The following PRKG1 variants were observed in gnomAD, a reference collection of about 807,000 sequenced individuals.
PRKG1 encodes cGMP-dependent protein kinase 1.
In PRKG1, 35 loss-of-function variants were observed where a neutral mutation model predicts 88.1. The ratio of observed to expected loss-of-function variants is 0.40; its 90% CI spans 0.30 to 0.53. PRKG1 has a LOEUF of 0.53. PRKG1 is among the 20% of genes least tolerant of loss of function. The pLI is 0.59. For synonymous variants in PRKG1, 303 were observed against 292.5 expected, an observed-to-expected ratio of 1.04 and a Z score of -0.37; for missense variants, 540 against 839.8, an observed-to-expected ratio of 0.64 and a Z score of 4.41.
intron 1 of PRKG1, among the ~76,000 whole-genome samples, chr10:51,116,590 TA>T (rs1326524447): frequency 6.6e-6 from 1 of 152,060 alleles, no homozygotes; most frequent in African/African-American, 2.4e-5. Flanking sequence ...AAGTGAACAG[TA>T]AAAGGTGTCT....
At chr10:51,688,564 CCT>C (rs1491418060) in intron 3 of PRKG1, among the ~76,000 whole-genome samples, 1 of 70,702 alleles carries the variant, frequency 1.4e-5, no homozygotes, top group South Asian at 6.3e-4. Context: ...CAGTAACAAT[CCT>C]TTTTTTTTTT....
chr10:51,574,110 AAG>A (rs1234733089), intron 3 of PRKG1, among the ~76,000 whole-genome samples: 2 of 151,922 alleles, frequency 1.3e-5, no homozygotes, highest in African/African-American at 4.8e-5. Flanking sequence ...TAAACATTGG[AAG>A]AGAAAGCATC....
At chr10:51,514,281 A>G (rs1841510792) in intron 3 of PRKG1, among the ~76,000 whole-genome samples, 1 of 152,106 alleles carries the variant, frequency 6.6e-6, no homozygotes, top group South Asian at 2.1e-4. Context: ...CATACACTCT[A>G]ATTAATTTTT....
At chr10:51,229,333 G>A (rs1430147779) in intron 2 of PRKG1, among the ~76,000 whole-genome samples, 1 of 152,110 alleles carries the variant, frequency 6.6e-6, no homozygotes, top group Non-Finnish European at 1.5e-5. Flanking sequence ...TCCCAGATAA[G>A]AAGGTATTGG....
In PRKG1 at chr10:51,002,528, G is replaced by A. The variant is rs1842900322; in HGVS notation, c.266+10884G>A. On this transcript the variant is annotated intron_variant, in intron 1 of 17. Transcript: ENST00000401604. The stretch of plus-strand genomic sequence containing the variant: ...ATAAACTGCCTCTCAAAAATTTTAG[G>A]GTAAAGAGTAGTCTGGCTTATACCA... 6.6e-5 allele frequency among the ~76,000 whole-genome samples: 10 copies of A among 152,230 alleles called. 1 individual carries two copies. The South Asian group carries it at 2.1e-3, about 32-fold the overall frequency.
In PRKG1 at chr10:52,294,746, T is replaced by A. The variant is rs955382399; in HGVS notation, c.*846T>A. On this transcript the variant is annotated 3_prime_UTR_variant, in exon 18 of 18. Transcript: ENST00000373980. ...TAAATGACTAGCAGCCAATTGGTTT[T>A]ACTTAACATACCCTCAAACTGAGGC... The A allele has an allele frequency of 3.9e-5, 6 of 152,590 alleles. No individual in the cohort carries two copies. In the East Asian group the frequency reaches 9.6e-4, roughly 24 times the overall value. The allele number at this position is 152,590 out of a possible 1,614,324, so 9.5% of individuals were successfully genotyped here.
intron 5 of PRKG1, among the ~76,000 whole-genome samples, chr10:52,021,042 C>T (rs12776480): frequency 0.26 from 38,888 of 151,912 alleles, 5,446 homozygotes; most frequent in Non-Finnish European, 0.33. Context: ...CCTCTCCTGC[C>T]CCACTCATGC....
intron 3 of PRKG1, among the ~76,000 whole-genome samples, chr10:51,556,838 T>C (rs1476919169): frequency 3.9e-5 from 6 of 152,034 alleles, no homozygotes; most frequent in African/African-American, 7.2e-5. Flanking sequence ...AATATACCCA[T>C]GTAACAAACC....
intron 9 of PRKG1, among the ~76,000 whole-genome samples, chr10:52,198,774 A>G (rs542099383): frequency 6.6e-6 from 1 of 151,242 alleles, no homozygotes; most frequent in Non-Finnish European, 1.5e-5. Flanking sequence ...GCGTCACTCC[A>G]ATCTTTATCT....
At chr10:51,815,527 C>A (rs1937715) in intron 4 of PRKG1, among the ~76,000 whole-genome samples, 32,536 of 151,868 alleles carry the variant, frequency 0.21, 5,588 homozygotes, top group African/African-American at 0.48. Context: ...ATGAAAAAAT[C>A]CTGCTGAGGT....
intron 3 of PRKG1, among the ~76,000 whole-genome samples, chr10:51,705,148 A>G (rs1025703092): frequency 1.3e-5 from 2 of 151,952 alleles, no homozygotes; most frequent in African/African-American, 2.4e-5. Context: ...TTTGTCAGGG[A>G]TGCTTCCTTT....
At chr10:51,016,800 C>A (rs1843072587) in intron 1 of PRKG1, among the ~76,000 whole-genome samples, 1 of 150,110 alleles carries the variant, frequency 6.7e-6, no homozygotes, top group African/African-American at 2.5e-5. Flanking sequence ...TCCCGAGTAG[C>A]TGGGACTACA....
At chr10:52,282,456 G>A in intron 14 of PRKG1, 140 bp downstream of exon 14, 2 of 876,092 alleles carry the variant, frequency 2.3e-6, no homozygotes, top group Non-Finnish European at 3.2e-6. Flanking sequence ...TTATACAGAT[G>A]ACCAGGAATT....
At chr10:51,261,000 T>C (rs1294925657) in intron 2 of PRKG1, among the ~76,000 whole-genome samples, 3 of 152,196 alleles carry the variant, frequency 2.0e-5, no homozygotes, top group African/African-American at 7.2e-5. Context: ...AACTGGCATA[T>C]ATAAGCGTGA....
intron 4 of PRKG1, among the ~76,000 whole-genome samples, chr10:51,865,036 A>G (rs1425525071): frequency 6.6e-6 from 1 of 152,142 alleles, no homozygotes; most frequent in Admixed American, 6.6e-5. Flanking sequence ...GAACATTTAT[A>G]TTGTACGCCA....
chr10:51,870,776 A>G (rs945133569), intron 4 of PRKG1, among the ~76,000 whole-genome samples: 6 of 152,150 alleles, frequency 3.9e-5, no homozygotes, highest in Admixed American at 2.6e-4. Context: ...AACTTTTGCA[A>G]CCTTCAATGT....
chr10:52,051,530 T>C (rs1277027501), intron 5 of PRKG1, among the ~76,000 whole-genome samples: 1 of 152,216 alleles, frequency 6.6e-6, no homozygotes, highest in Non-Finnish European at 1.5e-5. Context: ...TGTTGAGTGA[T>C]CTTGAATTAG....
At chr10:51,884,475 A>C (rs1240670735) in intron 4 of PRKG1, among the ~76,000 whole-genome samples, 1 of 143,346 alleles carries the variant, frequency 7.0e-6, no homozygotes, top group Non-Finnish European at 1.5e-5. Flanking sequence ...AAAAAAGAAA[A>C]GTTTAGCTTT....
chr10:51,034,036 A>T (rs1843320924), intron 1 of PRKG1, among the ~76,000 whole-genome samples: 1 of 152,194 alleles, frequency 6.6e-6, no homozygotes, highest in Non-Finnish European at 1.5e-5. Context: ...TTAGAATTCA[A>T]ATGATTAGAA....
Sources: gnomAD v4.1 joint callset for allele counts (sites outside exome capture counted in the v4.1 genomes callset) on GRCh38, gnomAD v4.1.1 for gene constraint, MANE v1.5 for transcripts, NCBI Gene and HGNC (gene_info 2026-07-23, HGNC 2026-07-21) for gene names.